ZP3: variants seen among roughly 807,000 people sequenced by gnomAD.
ZP3 encodes zona pellucida glycoprotein 3, also known as zona pellucida sperm-binding protein 3.
In ZP3, 21 loss-of-function variants were observed where a neutral mutation model predicts 35.6. The ratio of observed to expected loss-of-function variants is 0.59; its 90% CI spans 0.42 to 0.85. ZP3 has a LOEUF of 0.85. Ranked by LOEUF, ZP3 falls within the 40% of genes least tolerant of loss-of-function variation. ZP3 has a pLI of 0.00. For synonymous variants in ZP3, 207 were observed against 214.5 expected (o/e 0.96, Z 0.31); for missense variants, 437 against 536.5 (o/e 0.81, Z 1.83).
Position 76,433,581 on chromosome 7 carries a change from A to T in ZP3, c.647A>T (p.His216Leu). 4 of 1,614,156 alleles carry T rather than the reference A, an allele frequency of 2.5e-6. No individual in the cohort carries two copies. Among genetic ancestry groups the T allele is most frequent in the Non-Finnish European group, 3.4e-6 (4 of 1,180,006 alleles). Residue 216 changes from histidine (H) to leucine (L), a missense_variant, in exon 4 of 8, where the codon CAC becomes CTC. This residue lies in a region of ZP3 where 352 missense variants were observed against 308.4 expected (regional missense o/e 1.14). Transcript: ENST00000394857. ...SHVPLRLFVD[H>L]CVATPTPDQN... ...GTGCCACTGCGGTTGTTTGTGGACC[A>T]CTGCGTGGCCACACCGACACCAGAC...
intron 5 of ZP3, among the ~76,000 whole-genome samples, chr7:76,434,967 C>CT (rs1251193280): frequency 1.3e-5 from 2 of 152,148 alleles, no homozygotes; most frequent in African/African-American, 4.8e-5. Flanking sequence ...AAGATGGGAA[C>CT]TGCCTAATGG....
intron 1 of ZP3, among the ~76,000 whole-genome samples, chr7:76,416,816 C>CTCTATA (rs548167165): frequency 4.2e-4 from 61 of 143,734 alleles, no homozygotes; most frequent in Middle Eastern, 3.6e-3. Flanking sequence ...CTCTCTCTCT[C>CTCTATA]TATATATATA....
At chr7:76,420,495 A>G (rs575600644), upstream of ZP3, among the ~76,000 whole-genome samples, 1 of 152,306 alleles carries the variant, frequency 6.6e-6, no homozygotes, top group Non-Finnish European at 1.5e-5. Context: ...TGCATTTCCC[A>G]TCCATGAACA....
chr7:76,423,033 A>AAGAAAGAAAGAAAGAG (rs1805553095), upstream of ZP3, among the ~76,000 whole-genome samples: 2 of 77,464 alleles, frequency 2.6e-5, no homozygotes, highest in African/African-American at 1.1e-4. Flanking sequence ...GAGAGAAAGA[A>AAGAAAGAAAGAAAGAG]AGAAAGAAAG....
chr7:76,398,921 G>T (rs753537366), intron 1 of ZP3: 1 of 938,916 alleles, frequency 1.1e-6, no homozygotes, highest in Non-Finnish European at 1.6e-6. Flanking sequence ...GCCACACAAA[G>T]AGTCACAGCC....
chr7:76,420,416 G>A (rs10258540), upstream of ZP3, among the ~76,000 whole-genome samples: 13,129 of 152,154 alleles, frequency 0.086, 1,110 homozygotes, highest in African/African-American at 0.21. Context: ...CCCACATACA[G>A]CTAAAACATG....
chr7:76,419,733 T>C (rs374710286), intron 1 of ZP3, among the ~76,000 whole-genome samples: 1 of 148,524 alleles, frequency 6.7e-6, no homozygotes, highest in African/African-American at 2.5e-5. Context: ...CTCTATCTCT[T>C]TCTTTCTTTC....
At position 76,433,634 on chromosome 7, in the gene ZP3, G is replaced by A. The variant is rs762295444; in HGVS notation, c.700G>A (p.Val234Met). 2.4e-5 allele frequency: 39 copies of A among 1,608,622 alleles called. No individual in the cohort carries two copies. In the East Asian group the frequency reaches 3.4e-4, roughly 14 times the overall value. Residue 234 changes from valine to methionine, a missense_variant, in exon 4 of 8, where the codon GTG becomes ATG. Val to Met is a conservative substitution (Grantham distance 21). Coordinates refer to ENST00000394857, the MANE Select transcript of ZP3 (RefSeq NM_001110354.2). ...GAATGCCTCCCCTTATCACACCATC[G>A]TGGACTTCCATGGGTGAGCACTGGG... is the stretch of plus-strand genomic sequence containing the variant. ...DQNASPYHTIVDFHGCLVDGL... is the reference protein window; with the variant it reads ...DQNASPYHTIMDFHGCLVDGL...
chr7:76,436,030 C>CTT lies in ZP3; in HGVS notation c.831+1919_831+1920dup, dbSNP rs60553917. ...TGAACCACCACGCGCCCCCCGCCCCCTTTTTTTTTTTTTTTTTTTTTTTTT... is the reference window on the plus strand; with the variant it reads ...TGAACCACCACGCGCCCCCCGCCCCCTTTTTTTTTTTTTTTTTTTTTTTTTTT... On this transcript the variant is annotated intron_variant, in intron 5 of 7. Coordinates refer to ENST00000394857, the MANE Select transcript of ZP3 (RefSeq NM_001110354.2). Among the ~76,000 whole-genome samples the CTT allele has an allele frequency of 1.7e-3, 124 of 74,332 alleles. 19 individuals carry two copies. The highest frequency in any genetic ancestry group is 7.6e-3 in the Middle Eastern group (1 of 132). 48.8% of individuals were successfully genotyped at this position (74,332 alleles called of 152,430 possible). A position where few individuals can be genotyped will look rare whatever the true frequency, so the allele number is the denominator to read the frequency against.
At chr7:76,406,761 T>G (rs942326212) in intron 1 of ZP3, among the ~76,000 whole-genome samples, 4 of 151,838 alleles carry the variant, frequency 2.6e-5, no homozygotes, top group African/African-American at 9.7e-5. Flanking sequence ...TTTTTTTGTT[T>G]TTAATACCCC....
intron 1 of ZP3, among the ~76,000 whole-genome samples, chr7:76,416,083 T>A (rs1805363099): frequency 6.6e-6 from 1 of 151,294 alleles, no homozygotes; most frequent in South Asian, 2.1e-4. Context: ...TGAGCCGAGA[T>A]TGCACCATTG....
At chr7:76,435,027 T>C (rs1424650255) in intron 5 of ZP3, among the ~76,000 whole-genome samples, 4 of 151,674 alleles carry the variant, frequency 2.6e-5, no homozygotes. Flanking sequence ...AGGACCAACA[T>C]CTAGCCGGGA....
Position 76,434,091 on chromosome 7 carries a change from C to T in ZP3, c.767C>T (p.Pro256Leu). Residue 256 changes from proline to leucine, a missense_variant, in exon 5 of 8, where the codon CCC becomes CTC. Physicochemically the swap from Pro to Leu is moderately conservative, Grantham distance 98 (BLOSUM62 -3). Transcript: ENST00000394857. The part of the protein sequence containing the change: ...DASSAFKVPR[P>L]GPDTLQFTVD... Reference sequence around the variant, plus strand: ...TCTTCTGCATTCAAAGTTCCTCGACCCGGGCCAGATACACTCCAGTTCACA... The same window carrying T: ...TCTTCTGCATTCAAAGTTCCTCGACTCGGGCCAGATACACTCCAGTTCACA... 7.0e-7 allele frequency: 1 copy of T among 1,425,694 alleles called. No individual in the cohort carries two copies. Among genetic ancestry groups the T allele is most frequent in the Non-Finnish European group, 9.7e-7 (1 of 1,035,770 alleles). The allele number at this position is 1,425,694 out of a possible 1,614,324, so 88.3% of individuals were successfully genotyped here.
chr7:76,405,049 G>A (rs1292045352), intron 1 of ZP3, among the ~76,000 whole-genome samples: 1 of 151,148 alleles, frequency 6.6e-6, no homozygotes, highest in East Asian at 2.0e-4. Flanking sequence ...CAGCCTGGGC[G>A]ACAGAGCAAG....
At chr7:76,405,274 TATATATATATATATATATA>T (rs1563686790) in intron 1 of ZP3, among the ~76,000 whole-genome samples, 225 of 21,248 alleles carry the variant, frequency 0.011, 8 homozygotes, top group Non-Finnish European at 0.014. Context: ...CAGCTAATTA[TATATATATATATATATATA>T]TATATATATA....
chr7:76,397,958 T>G, intron 1 of ZP3: 2 of 987,670 alleles, frequency 2.0e-6, no homozygotes, highest in Non-Finnish European at 2.9e-6. Context: ...CTGCCCAGGG[T>G]ACCGCCTCCT....
At chr7:76,423,747 A>G (rs570889774), upstream of ZP3, among the ~76,000 whole-genome samples, 167 of 152,068 alleles carry the variant, frequency 1.1e-3, no homozygotes, top group Non-Finnish European at 2.2e-3. Flanking sequence ...CTGTAATCCC[A>G]GTTACTCGGG....
intron 2 of ZP3, among the ~76,000 whole-genome samples, chr7:76,432,483 C>G (rs888156547): frequency 6.6e-5 from 10 of 152,030 alleles, no homozygotes; most frequent in Admixed American, 1.3e-4. Flanking sequence ...CGTGCCTGGC[C>G]TCTTTTCTTT....
upstream of ZP3, among the ~76,000 whole-genome samples, chr7:76,422,165 G>C (rs142442980): frequency 1.6e-4 from 24 of 151,716 alleles, no homozygotes; most frequent in South Asian, 6.3e-4. Context: ...CCAAAATGCT[G>C]GGATTACAGA....
Sources: gnomAD v4.1 joint callset for allele counts (sites outside exome capture counted in the v4.1 genomes callset) on GRCh38, gnomAD v4.1.1 for gene constraint, gnomAD v4.1.1 regional missense constraint, MANE v1.5 for transcripts, NCBI Gene and HGNC (gene_info 2026-07-23, HGNC 2026-07-21) for gene names.